The following PTPRR variants were observed in gnomAD, a reference collection of about 807,000 sequenced individuals.
PTPRR encodes the protein receptor-type tyrosine-protein phosphatase R.
Under a neutral mutation model 77.2 loss-of-function variants are expected in PTPRR, and 38 were observed. The ratio of observed to expected loss-of-function variants is 0.49; its 90% confidence interval spans 0.38 to 0.65. PTPRR has a LOEUF of 0.65. PTPRR is among the 30% of genes least tolerant of loss of function. The probability of loss-of-function intolerance (pLI) is 0.00; values close to 1 mark genes in which losing one functional copy is unlikely to be tolerated. For synonymous variants in PTPRR, 299 were observed against 283.1 expected, an observed-to-expected ratio of 1.06 and a Z score of -0.57; for missense variants, 744 against 799.2, an observed-to-expected ratio of 0.93 and a Z score of 0.83.
At chr12:70,680,555 A>G (rs542001979) in intron 10 of PTPRR, among the ~76,000 whole-genome samples, 2 of 152,270 alleles carry the variant, frequency 1.3e-5, no homozygotes, top group African/African-American at 4.8e-5. Flanking sequence ...CTGGCTCAGG[A>G]CAGGTCACCC....
At chr12:70,792,726 C>T (rs4760811) in intron 2 of PTPRR, among the ~76,000 whole-genome samples, 100,682 of 151,986 alleles carry the variant, frequency 0.66, 36,046 homozygotes, top group South Asian at 0.83. Flanking sequence ...ATGGAAAATG[C>T]ATATTATGAA....
intron 6 of PTPRR, among the ~76,000 whole-genome samples, chr12:70,721,464 T>C (rs1352824657): frequency 6.6e-6 from 1 of 152,182 alleles, no homozygotes; most frequent in Non-Finnish European, 1.5e-5. Flanking sequence ...ATAGCTCCTG[T>C]CCAAATAGAT....
intron 2 of PTPRR, among the ~76,000 whole-genome samples, chr12:70,815,143 A>AAC (rs1891879975): frequency 7.7e-6 from 1 of 129,694 alleles, no homozygotes; most frequent in African/African-American, 2.7e-5. Context: ...CAAAAAAAAA[A>AAC]AAAAACCCAC....
chr12:70,911,186 G>T (rs1237173130), intron 1 of PTPRR, among the ~76,000 whole-genome samples: 1 of 152,122 alleles, frequency 6.6e-6, no homozygotes, highest in East Asian at 1.9e-4. Flanking sequence ...GTCTTGGCTG[G>T]TGTCTGCAGA....
At chr12:70,890,823 T>C (rs559950984) in intron 2 of PTPRR, among the ~76,000 whole-genome samples, 92 of 152,224 alleles carry the variant, frequency 6.0e-4, no homozygotes, top group Non-Finnish European at 9.4e-4. Flanking sequence ...CCCCAGAATA[T>C]ATCCCTTGCT....
chr12:70,666,944 T>TG (rs1566054763), intron 10 of PTPRR, among the ~76,000 whole-genome samples: 1 of 73,810 alleles, frequency 1.4e-5, no homozygotes, highest in Non-Finnish European at 2.6e-5. Context: ...TGTTTTTTTT[T>TG]TTTTTTTTTT....
chr12:70,838,447 A>G (rs936759575), intron 2 of PTPRR, among the ~76,000 whole-genome samples: 8 of 152,196 alleles, frequency 5.3e-5, no homozygotes, highest in African/African-American at 1.9e-4. Context: ...CATCTTGACA[A>G]AGGAGAAAGC....
intron 2 of PTPRR, among the ~76,000 whole-genome samples, chr12:70,842,073 A>ATT (rs1892406739): frequency 6.6e-6 from 1 of 152,210 alleles, no homozygotes; most frequent in Non-Finnish European, 1.5e-5. Flanking sequence ...TCCTCTTAAA[A>ATT]AGCCCTACAA....
chr12:70,766,987 C>A (rs1415927057), intron 2 of PTPRR, among the ~76,000 whole-genome samples: 1 of 151,970 alleles, frequency 6.6e-6, no homozygotes, highest in Non-Finnish European at 1.5e-5. Flanking sequence ...CACCACCAGG[C>A]CTGCCCTAAA....
chr12:70,781,511 A>T (rs1891201980), intron 2 of PTPRR, among the ~76,000 whole-genome samples: 1 of 152,244 alleles, frequency 6.6e-6, no homozygotes, highest in East Asian at 1.9e-4. Context: ...TCCTCACTGC[A>T]ACTCACATGA....
At chr12:70,756,208 G>A (rs1890559357) in intron 4 of PTPRR, among the ~76,000 whole-genome samples, 1 of 151,738 alleles carries the variant, frequency 6.6e-6, no homozygotes, top group African/African-American at 2.4e-5. Flanking sequence ...AACCTGTTTT[G>A]TTTTCTTTTT....
intron 6 of PTPRR, among the ~76,000 whole-genome samples, chr12:70,704,473 A>G (rs1888545699): frequency 6.6e-6 from 1 of 151,956 alleles, no homozygotes; most frequent in South Asian, 2.1e-4. Flanking sequence ...AGCCAGATAA[A>G]AGAGGATCCA....
At chr12:70,893,932 T>C (rs1893381457) in intron 1 of PTPRR, among the ~76,000 whole-genome samples, 1 of 151,948 alleles carries the variant, frequency 6.6e-6, no homozygotes, top group South Asian at 2.1e-4. Context: ...TTCATCTTTA[T>C]TTCTTCTGTT....
At chr12:70,712,820 A>C (rs1001386828) in intron 6 of PTPRR, among the ~76,000 whole-genome samples, 2 of 152,094 alleles carry the variant, frequency 1.3e-5, no homozygotes, top group Admixed American at 6.6e-5. Context: ...ATTTTATATA[A>C]TATTAATGAG....
At chr12:70,885,399 T>A (rs1893221165) in intron 2 of PTPRR, among the ~76,000 whole-genome samples, 1 of 152,136 alleles carries the variant, frequency 6.6e-6, no homozygotes, top group Non-Finnish European at 1.5e-5. Context: ...CCATCCATAA[T>A]GTAAACATAA....
At chr12:70,867,296 G>T (rs1565723628) in intron 2 of PTPRR, among the ~76,000 whole-genome samples, 1 of 151,970 alleles carries the variant, frequency 6.6e-6, no homozygotes, top group East Asian at 1.9e-4. Context: ...AAACCCCATT[G>T]TCTCAGCCCA....
At chr12:70,641,890 G>C (rs962404562) in intron 13 of PTPRR, among the ~76,000 whole-genome samples, 1 of 152,102 alleles carries the variant, frequency 6.6e-6, no homozygotes, top group African/African-American at 2.4e-5. Flanking sequence ...CTCTCCAAAG[G>C]CTGGAAAACA....
intron 2 of PTPRR, among the ~76,000 whole-genome samples, chr12:70,885,436 T>C (rs1893221818): frequency 6.6e-6 from 1 of 151,988 alleles, no homozygotes; most frequent in Non-Finnish European, 1.5e-5. Flanking sequence ...AGCACATATA[T>C]GCAGATTTCA....
At chr12:70,775,989 GATTA>G (rs1033447292) in intron 2 of PTPRR, among the ~76,000 whole-genome samples, 5 of 152,074 alleles carry the variant, frequency 3.3e-5, no homozygotes, top group African/African-American at 9.7e-5. Flanking sequence ...ATTAGTTACA[GATTA>G]ATTATTTTTA....
Sources: allele counts gnomAD v4.1 joint callset (sites outside exome capture counted in the v4.1 genomes callset), GRCh38; gene constraint gnomAD v4.1.1; transcripts MANE v1.5; gene names NCBI Gene and HGNC (gene_info 2026-07-23, HGNC 2026-07-21).